Variants in PCDH11X observed in about 807,000 individuals in gnomAD.
PCDH11X encodes protocadherin-11 X-linked.
PCDH11X carries 18 observed loss-of-function variants against 53.3 expected under a neutral mutation model. The ratio of observed to expected loss-of-function variants is 0.34; its 90% CI spans 0.23 to 0.50. PCDH11X has a LOEUF of 0.50. Ranked by LOEUF, PCDH11X falls within the 20% of genes least tolerant of loss-of-function variation. The pLI is 0.98. For missense variants in PCDH11X, 570 were observed against 1,032.4 expected (o/e 0.55, Z 6.14); for synonymous variants, 279 against 393.3 (o/e 0.71, Z 3.44).
chrX:92,018,424 A>G (rs1602690550), intron 6 of PCDH11X, among the ~76,000 whole-genome samples: 2 of 112,152 alleles, frequency 1.8e-5, no homozygotes, highest in South Asian at 3.7e-4. Context: ...TTAAAAATTG[A>G]CCAGGATGTA....
intron 6 of PCDH11X, among the ~76,000 whole-genome samples, chrX:92,179,433 C>T (rs2148288975): frequency 9.0e-6 from 1 of 111,391 alleles, no homozygotes; most frequent in Non-Finnish European, 1.9e-5. Context: ...ACATTTTAAC[C>T]CATTTGAATT....
intron 6 of PCDH11X, among the ~76,000 whole-genome samples, chrX:92,188,025 A>G (rs1265019056): frequency 9.0e-6 from 1 of 111,228 alleles, no homozygotes; most frequent in Non-Finnish European, 1.9e-5. Context: ...GATTGAGACA[A>G]TTTCACCTCC....
chrX:92,316,615 T>G (rs2069082543), intron 8 of PCDH11X, among the ~76,000 whole-genome samples: 2 of 111,139 alleles, frequency 1.8e-5, no homozygotes, highest in Admixed American at 9.7e-5. Flanking sequence ...ATTATGAAAT[T>G]ATGAAAACAG....
intron 6 of PCDH11X, among the ~76,000 whole-genome samples, chrX:92,124,797 CT>C (rs2064832302): frequency 1.8e-5 from 2 of 110,447 alleles, no homozygotes; most frequent in African/African-American, 6.7e-5. Context: ...CAAAACATGT[CT>C]GCTGAACATT....
At chrX:92,078,042 T>C (rs964177113) in intron 6 of PCDH11X, among the ~76,000 whole-genome samples, 16 of 110,221 alleles carry the variant, frequency 1.5e-4, no homozygotes, top group Non-Finnish European at 1.9e-5. Context: ...GGAAACAAAA[T>C]GGAGTAGTGT....
chrX:91,972,791 C>T (rs1299873830), intron 6 of PCDH11X, among the ~76,000 whole-genome samples: 1 of 110,545 alleles, frequency 9.0e-6, no homozygotes, highest in East Asian at 2.9e-4. Context: ...GGGCTCTGTT[C>T]TGTTCCATTG....
intron 10 of PCDH11X, among the ~76,000 whole-genome samples, chrX:92,479,568 C>T (rs762623566): frequency 9.2e-6 from 1 of 108,839 alleles, no homozygotes; most frequent in South Asian, 4.1e-4. Context: ...AATGAATTCC[C>T]TCAGCATTTG....
intron 10 of PCDH11X, among the ~76,000 whole-genome samples, chrX:92,551,715 G>T (rs192136667): frequency 8.1e-4 from 90 of 110,597 alleles, no homozygotes; most frequent in African/African-American, 2.7e-3. Flanking sequence ...AATCCATTTT[G>T]ATTTTATTTT....
intron 6 of PCDH11X, among the ~76,000 whole-genome samples, chrX:92,158,862 C>G (rs1373460828): frequency 1.8e-5 from 2 of 111,417 alleles, no homozygotes; most frequent in Non-Finnish European, 3.8e-5. Context: ...TCTCGATCTC[C>G]TGACCTCGTG....
chrX:92,266,768 A>G (rs5984164), intron 8 of PCDH11X, among the ~76,000 whole-genome samples: 19,596 of 107,390 alleles, frequency 0.18, 3,091 homozygotes, highest in East Asian at 0.51. Flanking sequence ...ATGTGGAGAC[A>G]AAGTCTTGCT....
At chrX:92,577,598 G>C (rs1923141219) in intron 10 of PCDH11X, among the ~76,000 whole-genome samples, 1 of 109,209 alleles carries the variant, frequency 9.2e-6, no homozygotes, top group African/African-American at 3.3e-5. Flanking sequence ...TTTGGGGTTT[G>C]TTTGCTTTTG....
At chrX:92,455,048 T>A (rs939398552) in intron 9 of PCDH11X, among the ~76,000 whole-genome samples, 1 of 106,628 alleles carries the variant, frequency 9.4e-6, no homozygotes, top group African/African-American at 3.4e-5. Context: ...CAGAAAATAG[T>A]TTCACCTATG....
At chrX:91,978,325 C>A (rs1399413275) in intron 6 of PCDH11X, among the ~76,000 whole-genome samples, 3 of 107,478 alleles carry the variant, frequency 2.8e-5, no homozygotes, top group African/African-American at 1.0e-4. Flanking sequence ...TACTAAGCCC[C>A]AACTCATGTA....
intron 6 of PCDH11X, among the ~76,000 whole-genome samples, chrX:92,023,171 G>A (rs1189385607): frequency 9.2e-6 from 1 of 108,619 alleles, no homozygotes; most frequent in East Asian, 2.9e-4. Context: ...TAAGATCAGA[G>A]CAGAACTGAA....
intron 6 of PCDH11X, among the ~76,000 whole-genome samples, chrX:91,949,833 G>T (rs2147869854): frequency 9.3e-6 from 1 of 107,239 alleles, no homozygotes; most frequent in East Asian, 2.9e-4. Flanking sequence ...CAGTAAAAAA[G>T]AACTATCACA....
At chrX:91,881,111 T>G (rs1303039764) in intron 6 of PCDH11X, among the ~76,000 whole-genome samples, 1 of 110,336 alleles carries the variant, frequency 9.1e-6, no homozygotes, top group Admixed American at 9.7e-5. Context: ...AGATATTTTA[T>G]GAGCTAGACT....
intron 10 of PCDH11X, among the ~76,000 whole-genome samples, chrX:92,507,700 A>G (rs749711590): frequency 7.1e-5 from 8 of 112,184 alleles, no homozygotes; most frequent in African/African-American, 2.6e-4. Flanking sequence ...TGAAATGAAC[A>G]GGAAGAGGAA....
At chrX:91,970,262 C>T (rs893695434) in intron 6 of PCDH11X, among the ~76,000 whole-genome samples, 5 of 111,282 alleles carry the variant, frequency 4.5e-5, no homozygotes, top group East Asian at 5.7e-4. Flanking sequence ...GGGACCTGAG[C>T]GGGTTGCCAC....
At chrX:92,020,903 C>T (rs2062873810) in intron 6 of PCDH11X, among the ~76,000 whole-genome samples, 2 of 110,805 alleles carry the variant, frequency 1.8e-5, no homozygotes, top group Admixed American at 1.9e-4. Flanking sequence ...CAGGAGTGAA[C>T]CAGATGAATA....
Sources: gnomAD v4.1 joint callset for allele counts (sites outside exome capture counted in the v4.1 genomes callset) on GRCh38, gnomAD v4.1.1 for gene constraint, MANE v1.5 for transcripts, NCBI Gene and HGNC (gene_info 2026-07-23, HGNC 2026-07-21) for gene names.